The following CNTNAP2 variants were observed in gnomAD, a reference collection of about 807,000 sequenced individuals.
CNTNAP2 encodes the protein contactin-associated protein-like 2.
CNTNAP2 carries 98 observed loss-of-function variants against 155.2 expected under a neutral mutation model. The observed-to-expected ratio is 0.63, with a 90% CI of 0.54 to 0.75. The LOEUF (loss-of-function observed/expected upper bound fraction) is 0.75. CNTNAP2 is among the 30% of genes least tolerant of loss of function. The pLI is 0.00. For synonymous variants in CNTNAP2, 651 were observed against 631.2 expected (o/e 1.03, Z -0.47); for missense variants, 1,727 against 1,688.1 (o/e 1.02, Z -0.40).
At chr7:146,896,266 C>T (rs1795874656) in intron 3 of CNTNAP2, among the ~76,000 whole-genome samples, 1 of 152,014 alleles carries the variant, frequency 6.6e-6, no homozygotes. Flanking sequence ...CAACCCATTC[C>T]AAACTTGCAT....
intron 8 of CNTNAP2, among the ~76,000 whole-genome samples, chr7:147,154,519 A>G (rs781187915): frequency 5.4e-4 from 82 of 152,212 alleles, no homozygotes; most frequent in Non-Finnish European, 7.5e-4. Context: ...ACACTGATAG[A>G]TAATACTTGC....
At chr7:146,195,952 C>G (rs974699641) in intron 1 of CNTNAP2, among the ~76,000 whole-genome samples, 1 of 152,150 alleles carries the variant, frequency 6.6e-6, no homozygotes, top group African/African-American at 2.4e-5. Flanking sequence ...AATCTCATGC[C>G]TATTATAAAG....
At chr7:146,135,085 G>A (rs2116744432) in intron 1 of CNTNAP2, among the ~76,000 whole-genome samples, 1 of 152,174 alleles carries the variant, frequency 6.6e-6, no homozygotes, top group East Asian at 1.9e-4. Context: ...GCTCCCAGAT[G>A]ATGCTAATGC....
chr7:146,272,375 C>G (rs1800096255), intron 1 of CNTNAP2, among the ~76,000 whole-genome samples: 1 of 152,152 alleles, frequency 6.6e-6, no homozygotes, highest in African/African-American at 2.4e-5. Flanking sequence ...AACTACAACT[C>G]AAGATGAGAT....
chr7:147,700,951 G>T (rs1444215595), intron 13 of CNTNAP2, among the ~76,000 whole-genome samples: 3 of 152,168 alleles, frequency 2.0e-5, no homozygotes, highest in East Asian at 1.9e-4. Flanking sequence ...CGCTGGGCAG[G>T]GGGTCTCTGT....
At chr7:148,079,327 A>AGGTCATAGG (rs750942277) in intron 15 of CNTNAP2, among the ~76,000 whole-genome samples, 48 of 152,204 alleles carry the variant, frequency 3.2e-4, no homozygotes, top group Non-Finnish European at 5.4e-4. Context: ...GGGGCCTTCC[A>AGGTCATAGG]GGTCATAGGC....
At chr7:146,959,713 C>CAAAAA (rs1176908836) in intron 3 of CNTNAP2, among the ~76,000 whole-genome samples, 5 of 90,376 alleles carry the variant, frequency 5.5e-5, no homozygotes, top group African/African-American at 8.1e-5. Context: ...CAGCGAGTCT[C>CAAAAA]AAAAAAAAAA....
intron 12 of CNTNAP2, among the ~76,000 whole-genome samples, chr7:147,597,092 A>G (rs1212533131): frequency 6.6e-6 from 1 of 152,208 alleles, no homozygotes; most frequent in Non-Finnish European, 1.5e-5. Flanking sequence ...ATGGGCAACC[A>G]TCAGCCCTCA....
intron 1 of CNTNAP2, among the ~76,000 whole-genome samples, chr7:146,234,901 C>G (rs545355535): frequency 6.6e-6 from 1 of 152,266 alleles, no homozygotes; most frequent in East Asian, 1.9e-4. Flanking sequence ...TGCTTGATTT[C>G]CTATTTGGCA....
At chr7:147,066,452 A>G (rs1189688150) in intron 4 of CNTNAP2, among the ~76,000 whole-genome samples, 2 of 152,214 alleles carry the variant, frequency 1.3e-5, no homozygotes, top group African/African-American at 4.8e-5. Flanking sequence ...ACTAAACAGC[A>G]TATCACACTG....
intron 16 of CNTNAP2, among the ~76,000 whole-genome samples, chr7:148,125,903 A>C (rs1804708668): frequency 1.3e-5 from 2 of 151,884 alleles, no homozygotes; most frequent in Non-Finnish European, 2.9e-5. Flanking sequence ...GGGTTTCATC[A>C]TGTTGGCCAG....
intron 1 of CNTNAP2, among the ~76,000 whole-genome samples, chr7:146,673,493 G>A (rs1800344282): frequency 6.6e-6 from 1 of 152,134 alleles, no homozygotes; most frequent in Non-Finnish European, 1.5e-5. Flanking sequence ...TCCATACATA[G>A]TGAACTGTAA....
At chr7:147,225,979 GAA>G (rs1415524473) in intron 8 of CNTNAP2, among the ~76,000 whole-genome samples, 29 of 151,728 alleles carry the variant, frequency 1.9e-4, no homozygotes, top group African/African-American at 6.8e-4. Flanking sequence ...AAGAGAGAAA[GAA>G]AGAGAGAAAG....
intron 8 of CNTNAP2, among the ~76,000 whole-genome samples, chr7:147,189,547 T>C (rs964044160): frequency 1.3e-5 from 2 of 152,186 alleles, no homozygotes; most frequent in South Asian, 4.1e-4. Flanking sequence ...CATTAATATA[T>C]TGTTTATATA....
intron 9 of CNTNAP2, among the ~76,000 whole-genome samples, chr7:147,302,431 GC>G (rs1379826555): frequency 7.9e-5 from 12 of 152,152 alleles, no homozygotes; most frequent in Non-Finnish European, 1.6e-4. Flanking sequence ...TGGTTTTTGA[GC>G]CCAGGAGTCA....
chr7:147,704,505 A>C (rs1009355509), intron 13 of CNTNAP2: 3 of 167,352 alleles, frequency 1.8e-5, no homozygotes, highest in African/African-American at 7.2e-5. Flanking sequence ...TCCCCAGTCT[A>C]GTGTGAGGGG....
chr7:146,314,065 C>T (rs191837392), intron 1 of CNTNAP2, among the ~76,000 whole-genome samples: 1 of 152,120 alleles, frequency 6.6e-6, no homozygotes, highest in Admixed American at 6.5e-5. Context: ...GGTCTGATTT[C>T]GTTCTTCTGA....
intron 3 of CNTNAP2, among the ~76,000 whole-genome samples, chr7:146,918,923 G>C (rs1796446512): frequency 6.6e-6 from 1 of 152,092 alleles, no homozygotes; most frequent in South Asian, 2.1e-4. Flanking sequence ...TAATTCAAAA[G>C]CCTTGTCTTT....
intron 4 of CNTNAP2, among the ~76,000 whole-genome samples, chr7:147,067,154 G>C (rs1799796092): frequency 6.6e-6 from 1 of 152,116 alleles, no homozygotes; most frequent in Non-Finnish European, 1.5e-5. Context: ...AGCCGGGCAT[G>C]GTGGCACACA....
Sources: allele counts gnomAD v4.1 joint callset (sites outside exome capture counted in the v4.1 genomes callset), GRCh38; gene constraint gnomAD v4.1.1; transcripts MANE v1.5; gene names NCBI Gene and HGNC (gene_info 2026-07-23, HGNC 2026-07-21).